Variants in BACH2 observed in about 807,000 individuals in gnomAD.
BACH2 encodes BACH transcriptional regulator 2, also known as transcription regulator protein BACH2.
BACH2 carries 5 observed loss-of-function variants against 61.8 expected under a neutral mutation model. The observed-to-expected ratio is 0.08, with a 90% CI of 0.04 to 0.17. BACH2 has a LOEUF of 0.17. BACH2 is among the 10% of genes least tolerant of loss of function. The pLI is 1.00. For synonymous variants in BACH2, 446 were observed against 440.1 expected, an observed-to-expected ratio of 1.01 and a Z score of -0.17; for missense variants, 824 against 1,091.1, an observed-to-expected ratio of 0.76 and a Z score of 3.45.
chr6:89,968,628 A>C (rs1329303260), intron 6 of BACH2, among the ~76,000 whole-genome samples: 1 of 152,246 alleles, frequency 6.6e-6, no homozygotes, highest in Non-Finnish European at 1.5e-5. Context: ...CATAAATGTT[A>C]CTAAATAATC....
chr6:89,969,259 T>C (rs1169120184), intron 6 of BACH2, among the ~76,000 whole-genome samples: 1 of 152,008 alleles, frequency 6.6e-6, no homozygotes, highest in Non-Finnish European at 1.5e-5. Flanking sequence ...TTTCTCCATG[T>C]TGGTCAGCTG....
intron 4 of BACH2, among the ~76,000 whole-genome samples, chr6:90,169,908 T>C (rs1369158610): frequency 1.3e-5 from 2 of 152,204 alleles, no homozygotes; most frequent in African/African-American, 4.8e-5. Context: ...TGTTTTTGCC[T>C]TTGTGGGAAT....
intron 5 of BACH2, among the ~76,000 whole-genome samples, chr6:90,011,932 A>ATGTGTGTGTGTGTGTGTGTGTGTG (rs71027919): frequency 7.0e-5 from 8 of 114,282 alleles, no homozygotes; most frequent in Non-Finnish European, 1.4e-4. Context: ...AAAAAAAAAT[A>ATGTGTGTGTGTGTGTGTGTGTGTG]TGTGTGTGTG....
At chr6:90,005,028 G>A (rs897186616) in intron 6 of BACH2, among the ~76,000 whole-genome samples, 1 of 152,026 alleles carries the variant, frequency 6.6e-6, no homozygotes, top group African/African-American at 2.4e-5. Flanking sequence ...TCTAGAAGGA[G>A]GCCTCCCTCT....
At chr6:90,006,526 A>G (rs1484049179) in intron 6 of BACH2, among the ~76,000 whole-genome samples, 7 of 152,278 alleles carry the variant, frequency 4.6e-5, no homozygotes, top group African/African-American at 1.7e-4. Context: ...CCTACTTGCT[A>G]GTGGTATGTG....
intron 5 of BACH2, among the ~76,000 whole-genome samples, chr6:90,079,619 C>T (rs999872954): frequency 2.0e-5 from 3 of 152,126 alleles, no homozygotes; most frequent in Non-Finnish European, 4.4e-5. Flanking sequence ...AATTATTTCC[C>T]AATATACCAC....
chr6:89,973,059 C>T (rs1775457103), intron 6 of BACH2, among the ~76,000 whole-genome samples: 1 of 152,160 alleles, frequency 6.6e-6, no homozygotes, highest in South Asian at 2.1e-4. Context: ...CACTGCACTC[C>T]AGCCTGGGCA....
intron 4 of BACH2, among the ~76,000 whole-genome samples, chr6:90,178,994 C>T (rs573888558): frequency 1.6e-4 from 24 of 152,178 alleles, no homozygotes; most frequent in African/African-American, 4.6e-4. Flanking sequence ...TTTTATGACT[C>T]GTTAAAATAT....
At chr6:90,157,511 A>T (rs1369184463) in intron 4 of BACH2, among the ~76,000 whole-genome samples, 1 of 152,224 alleles carries the variant, frequency 6.6e-6, no homozygotes, top group Non-Finnish European at 1.5e-5. Flanking sequence ...CCAACCCAGG[A>T]CTGGTTTAGC....
At chr6:90,139,750 G>T (rs77517160) in intron 4 of BACH2, among the ~76,000 whole-genome samples, 2 of 152,258 alleles carry the variant, frequency 1.3e-5, no homozygotes, top group East Asian at 1.9e-4. Flanking sequence ...CCACACAGGT[G>T]GGGGTGGAGG....
chr6:90,137,919 G>C (rs1784330087), intron 4 of BACH2, among the ~76,000 whole-genome samples: 1 of 152,138 alleles, frequency 6.6e-6, no homozygotes, highest in Non-Finnish European at 1.5e-5. Flanking sequence ...GACTCTGTGT[G>C]ATCAGAGCAA....
At chr6:90,211,724 C>G (rs936614966) in intron 3 of BACH2, among the ~76,000 whole-genome samples, 10 of 151,996 alleles carry the variant, frequency 6.6e-5, no homozygotes, top group African/African-American at 2.4e-4. Flanking sequence ...ACTCCCACCC[C>G]CTTCTATGAT....
At chr6:89,989,074 C>G (rs1460892133) in intron 6 of BACH2, among the ~76,000 whole-genome samples, 1 of 152,190 alleles carries the variant, frequency 6.6e-6, no homozygotes. Context: ...CCCCTGATCA[C>G]AGATGGCTGT....
intron 5 of BACH2, among the ~76,000 whole-genome samples, chr6:90,071,853 T>C (rs1314449380): frequency 6.6e-6 from 1 of 152,110 alleles, no homozygotes; most frequent in Non-Finnish European, 1.5e-5. Context: ...AAAAACAAAA[T>C]GTTATTAAGA....
intron 4 of BACH2, among the ~76,000 whole-genome samples, chr6:90,112,289 A>G (rs1263200455): frequency 6.6e-6 from 1 of 152,166 alleles, no homozygotes; most frequent in African/African-American, 2.4e-5. Context: ...CATCCCCAAG[A>G]CACATAATTG....
intron 7 of BACH2, among the ~76,000 whole-genome samples, chr6:89,948,318 C>A (rs1204013848): frequency 6.6e-6 from 1 of 152,108 alleles, no homozygotes; most frequent in African/African-American, 2.4e-5. Context: ...GTGATCCTCC[C>A]ACCTCAGTCC....
At chr6:90,282,388 T>C (rs146947896) in intron 1 of BACH2, among the ~76,000 whole-genome samples, 438 of 152,312 alleles carry the variant, frequency 2.9e-3, no homozygotes, top group Admixed American at 8.4e-3. Context: ...CTCCCACTTA[T>C]AAGTGAGAAT....
chr6:90,107,336 C>A (rs895373407), intron 4 of BACH2, among the ~76,000 whole-genome samples: 1 of 151,884 alleles, frequency 6.6e-6, no homozygotes, highest in Non-Finnish European at 1.5e-5. Context: ...CGTGCCACTA[C>A]ATTCCAGCCT....
intron 4 of BACH2, among the ~76,000 whole-genome samples, chr6:90,149,585 T>G (rs1669801244): frequency 6.6e-6 from 1 of 152,068 alleles, no homozygotes; most frequent in African/African-American, 2.4e-5. Flanking sequence ...CATTGTAAAA[T>G]CCAGCATAAA....
Sources: allele counts gnomAD v4.1 joint callset (sites outside exome capture counted in the v4.1 genomes callset), GRCh38; gene constraint gnomAD v4.1.1; transcripts MANE v1.5; gene names NCBI Gene and HGNC (gene_info 2026-07-23, HGNC 2026-07-21).